The following LRMDA variants were observed in gnomAD, a reference collection of about 807,000 sequenced individuals.
The protein encoded by LRMDA is leucine-rich melanocyte differentiation-associated protein.
A neutral mutation model predicts 29.8 loss-of-function variants in LRMDA; 18 were observed. The observed-to-expected ratio is 0.60, with a 90% CI of 0.42 to 0.90. The LOEUF is 0.90. Ranked by LOEUF, LRMDA falls within the 40% of genes least tolerant of loss-of-function variation. The pLI is 0.00. For missense variants in LRMDA, 273 were observed against 273.9 expected (o/e 1.00, Z 0.02); for synonymous variants, 125 against 109.4 (o/e 1.14, Z -0.89).
At chr10:76,091,557 A>G (rs1248794157) in intron 5 of LRMDA, among the ~76,000 whole-genome samples, 1 of 152,072 alleles carries the variant, frequency 6.6e-6, no homozygotes, top group Admixed American at 6.6e-5. Context: ...GGTGGTCCTC[A>G]TGGCCCTTGG....
intron 6 of LRMDA, among the ~76,000 whole-genome samples, chr10:76,548,378 G>A (rs1843447070): frequency 6.6e-6 from 1 of 151,194 alleles, no homozygotes; most frequent in African/African-American, 2.4e-5. Flanking sequence ...ATCCTTATAG[G>A]ACAGTATAAG....
At chr10:75,849,127 T>G (rs1844689142) in intron 2 of LRMDA, among the ~76,000 whole-genome samples, 1 of 152,190 alleles carries the variant, frequency 6.6e-6, no homozygotes, top group Admixed American at 6.5e-5. Flanking sequence ...TTAGTTTTAG[T>G]TGGTGACCCT....
At chr10:76,402,082 T>A (rs2132497642) in intron 6 of LRMDA, 1 of 152,306 alleles carries the variant, frequency 6.6e-6, no homozygotes, top group African/African-American at 2.4e-5. Context: ...AGGAAGCATG[T>A]TACCTTAAAG....
intron 5 of LRMDA, among the ~76,000 whole-genome samples, chr10:76,324,025 T>A (rs920990829): frequency 2.6e-5 from 4 of 152,198 alleles, no homozygotes; most frequent in African/African-American, 9.6e-5. Flanking sequence ...TTCACTAGTA[T>A]CCAAAGAAAT....
intron 5 of LRMDA, among the ~76,000 whole-genome samples, chr10:76,207,800 C>T (rs542174835): frequency 1.6e-4 from 24 of 152,200 alleles, no homozygotes; most frequent in Admixed American, 6.5e-4. Context: ...CTCATTTCTA[C>T]TAAAAACACA....
At position 76,029,532 on chromosome 10, in the gene LRMDA, A is replaced by G. The variant is rs537545192; in HGVS notation, c.132-6476A>G. Among the ~76,000 whole-genome samples the G allele has an allele frequency of 6.6e-5, 10 of 152,314 alleles. No individual in the cohort carries two copies. The South Asian group carries it at 2.1e-3, about 32-fold the overall frequency. On this transcript the variant is annotated intron_variant, in intron 2 of 6. Coordinates refer to ENST00000611255, the MANE Select transcript of LRMDA (RefSeq NM_001305581.2). The stretch of plus-strand genomic sequence containing the variant: ...AAGAAAATACAGGTTCCTGAGAGCT[A>G]TCATCTGACCAGAATTTCATATGGG...
intron 2 of LRMDA, among the ~76,000 whole-genome samples, chr10:75,452,583 T>TTTTC (rs1244105255): frequency 2.0e-5 from 3 of 148,916 alleles, no homozygotes; most frequent in Non-Finnish European, 4.4e-5. Context: ...GACTTTTTTT[T>TTTTC]TTTTTTTTTT....
In LRMDA at chr10:75,507,789, G is replaced by A. The variant is rs76063190; in HGVS notation, c.131+69295G>A. ...AAACCCTTGGCAGAGATTTGGAAAT[G>A]TGTTTCTTTTATATATATTTTAGAA... is the stretch of plus-strand genomic sequence containing the variant. On this transcript the variant is annotated intron_variant, in intron 2 of 6. Transcript: ENST00000611255. Among the ~76,000 whole-genome samples the A allele has an allele frequency of 6.1e-3, 931 of 152,282 alleles. 17 individuals are homozygous for A. Among genetic ancestry groups the A allele is most frequent in the African/African-American group, 0.021 (884 of 41,552 alleles).
chr10:75,913,388 A>G (rs1352105153), intron 2 of LRMDA, among the ~76,000 whole-genome samples: 2 of 152,306 alleles, frequency 1.3e-5, no homozygotes, highest in East Asian at 3.9e-4. Context: ...ACCAAGAGGC[A>G]GAGGTTGCAG....
chr10:76,387,812 G>A (rs1484155926), intron 6 of LRMDA, among the ~76,000 whole-genome samples: 1 of 152,264 alleles, frequency 6.6e-6, no homozygotes, highest in Non-Finnish European at 1.5e-5. Flanking sequence ...GTGGGGAAAA[G>A]TACTAAAAGC....
chr10:75,734,229 C>G (rs899698749), intron 2 of LRMDA, among the ~76,000 whole-genome samples: 2 of 152,040 alleles, frequency 1.3e-5, no homozygotes, highest in African/African-American at 4.8e-5. Context: ...AAAAATTAAA[C>G]AATAATAGAG....
intron 6 of LRMDA, among the ~76,000 whole-genome samples, chr10:76,458,335 T>C (rs560017877): frequency 3.1e-4 from 47 of 152,180 alleles, no homozygotes; most frequent in Non-Finnish European, 5.7e-4. Context: ...TTTCCAATAC[T>C]AATCAATCCT....
intron 6 of LRMDA, among the ~76,000 whole-genome samples, chr10:76,449,568 G>A (rs1004813875): frequency 1.3e-5 from 2 of 151,710 alleles, no homozygotes; most frequent in African/African-American, 4.8e-5. Context: ...AAAACTTAAG[G>A]CATTCATATC....
intron 2 of LRMDA, among the ~76,000 whole-genome samples, chr10:75,578,291 T>A (rs1025638997): frequency 8.0e-6 from 1 of 125,380 alleles, no homozygotes; most frequent in African/African-American, 3.0e-5. Context: ...CCAACAAAGA[T>A]CAAAAGAGAC....
At chr10:76,473,051 C>T (rs1428511918) in intron 6 of LRMDA, among the ~76,000 whole-genome samples, 1 of 151,408 alleles carries the variant, frequency 6.6e-6, no homozygotes, top group East Asian at 1.9e-4. Flanking sequence ...GATTCCTAAA[C>T]CAGAAAAAGG....
chr10:76,521,353 C>T (rs976540334), intron 6 of LRMDA, among the ~76,000 whole-genome samples: 42 of 152,154 alleles, frequency 2.8e-4, no homozygotes, highest in African/African-American at 9.9e-4. Context: ...CCAGGATAGT[C>T]TCAATCTCCT....
chr10:75,940,018 C>A (rs1846362131), intron 2 of LRMDA, among the ~76,000 whole-genome samples: 1 of 152,132 alleles, frequency 6.6e-6, no homozygotes, highest in Admixed American at 6.5e-5. Context: ...GAACTATGCA[C>A]CTTCTGGGAC....
intron 5 of LRMDA, among the ~76,000 whole-genome samples, chr10:76,264,708 C>T (rs1209423733): frequency 2.0e-5 from 3 of 152,042 alleles, no homozygotes; most frequent in South Asian, 2.1e-4. Flanking sequence ...CAGAAAGGTA[C>T]GCATGGAGAA....
intron 2 of LRMDA, among the ~76,000 whole-genome samples, chr10:75,590,086 CA>C (rs1840704561): frequency 6.6e-6 from 1 of 150,418 alleles, no homozygotes; most frequent in Admixed American, 6.6e-5. Context: ...GTGGTACAAT[CA>C]GGGCTCACTG....
Sources: gnomAD v4.1 joint callset for allele counts (sites outside exome capture counted in the v4.1 genomes callset) on GRCh38, gnomAD v4.1.1 for gene constraint, MANE v1.5 for transcripts, NCBI Gene and HGNC (gene_info 2026-07-23, HGNC 2026-07-21) for gene names.